CLSTN2: variants seen among roughly 807,000 people sequenced by gnomAD.
CLSTN2 encodes the protein calsyntenin 2, also known as calsyntenin-2.
A neutral mutation model predicts 101.2 loss-of-function variants in CLSTN2; 48 were observed. The ratio of observed to expected loss-of-function variants is 0.47; its 90% CI spans 0.38 to 0.60. The LOEUF (loss-of-function observed/expected upper bound fraction) is 0.60. Ranked by LOEUF, CLSTN2 falls within the 20% of genes least tolerant of loss-of-function variation. The pLI, the probability that CLSTN2 is intolerant of heterozygous loss-of-function variation, is 0.00. For missense variants in CLSTN2, 1,160 were observed against 1,238.2 expected (o/e 0.94, Z 0.95); for synonymous variants, 481 against 463.6 (o/e 1.04, Z -0.48).
At chr3:140,367,534 A>G (rs890046026) in intron 2 of CLSTN2, among the ~76,000 whole-genome samples, 1 of 135,122 alleles carries the variant, frequency 7.4e-6, no homozygotes, top group African/African-American at 2.7e-5. Flanking sequence ...AAAAAAAAAA[A>G]GGAAAGAGAA....
rs1352418798 is a variant in CLSTN2 at position 140,554,214 on chromosome 3, G to A, written c.1675-2299G>A. Among the ~76,000 whole-genome samples, 7 of 152,140 alleles carry A rather than the reference G, an allele frequency of 4.6e-5. No individual in the cohort carries two copies. The East Asian group carries it at 5.8e-4, about 13-fold the overall frequency. ...CCAATGAAGTACACATGTGATGGTC[G>A]AAGGTGACAAAGATTGAGCTATCAG... On this transcript the variant is annotated intron_variant, in intron 10 of 16. Transcript: ENST00000458420.
chr3:140,076,625 G>GTGTTTTTTT (rs1236822684), intron 1 of CLSTN2, among the ~76,000 whole-genome samples: 2 of 38,062 alleles, frequency 5.3e-5, no homozygotes, highest in Non-Finnish European at 8.9e-5. Context: ...CACCAGCAGT[G>GTGTTTTTTT]TTTTTTTTTT....
At chr3:140,107,918 A>G (rs968405640) in intron 1 of CLSTN2, among the ~76,000 whole-genome samples, 1 of 152,184 alleles carries the variant, frequency 6.6e-6, no homozygotes, top group Non-Finnish European at 1.5e-5. Flanking sequence ...ACTCAAAAAA[A>G]GTGAGAGACT....
At chr3:140,465,450 C>A (rs2108020310) in intron 7 of CLSTN2, among the ~76,000 whole-genome samples, 1 of 152,260 alleles carries the variant, frequency 6.6e-6, no homozygotes, top group South Asian at 2.1e-4. Context: ...CTTGCCAACC[C>A]CTGACAGAAG....
At chr3:140,070,701 T>C (rs12630364) in intron 1 of CLSTN2, among the ~76,000 whole-genome samples, 35,954 of 152,132 alleles carry the variant, frequency 0.24, 4,755 homozygotes, top group East Asian at 0.45. Context: ...TTTTTCTTGG[T>C]GGGAAGAGTT....
chr3:140,275,142 C>T (rs1381855739), intron 2 of CLSTN2, among the ~76,000 whole-genome samples: 1 of 152,212 alleles, frequency 6.6e-6, no homozygotes, highest in Non-Finnish European at 1.5e-5. Flanking sequence ...CGAGATTTAA[C>T]TTACATGCCA....
At chr3:140,449,786 A>G (rs1322412238) in intron 6 of CLSTN2, 2 of 152,202 alleles carry the variant, frequency 1.3e-5, no homozygotes, top group Non-Finnish European at 2.9e-5. Context: ...TCTGTTTGTT[A>G]AAGATAAGCA....
At chr3:140,148,869 G>A (rs986277760) in intron 1 of CLSTN2, among the ~76,000 whole-genome samples, 2 of 152,154 alleles carry the variant, frequency 1.3e-5, no homozygotes, top group East Asian at 3.9e-4. Context: ...AGATGCAATG[G>A]CACTGGGACT....
At chr3:140,039,338 C>A (rs1358317839) in intron 1 of CLSTN2, among the ~76,000 whole-genome samples, 1 of 151,998 alleles carries the variant, frequency 6.6e-6, no homozygotes, top group Non-Finnish European at 1.5e-5. Context: ...GTAAAAAAAA[C>A]AGCAATCACT....
At chr3:140,517,703 A>G (rs1415452400) in intron 8 of CLSTN2, among the ~76,000 whole-genome samples, 1 of 152,162 alleles carries the variant, frequency 6.6e-6, no homozygotes, top group Non-Finnish European at 1.5e-5. Flanking sequence ...GGACACCAGT[A>G]TCTGCTCTGG....
intron 1 of CLSTN2, among the ~76,000 whole-genome samples, chr3:139,947,112 A>G (rs1205271669): frequency 6.6e-6 from 1 of 152,268 alleles, no homozygotes; most frequent in Non-Finnish European, 1.5e-5. Context: ...CTCAGATAAC[A>G]GCCTACCTTT....
At chr3:140,298,609 A>C (rs2087025633) in intron 2 of CLSTN2, among the ~76,000 whole-genome samples, 1 of 152,156 alleles carries the variant, frequency 6.6e-6, no homozygotes, top group Admixed American at 6.5e-5. Context: ...GAAGCCCAGG[A>C]GGGGAGGTAA....
chr3:140,166,475 T>C (rs2010136681), intron 1 of CLSTN2, among the ~76,000 whole-genome samples: 1 of 152,016 alleles, frequency 6.6e-6, no homozygotes. Flanking sequence ...AGTATTGGAG[T>C]TTTAAAGATC....
chr3:140,047,311 G>C (rs1434822652), intron 1 of CLSTN2, among the ~76,000 whole-genome samples: 1 of 152,090 alleles, frequency 6.6e-6, no homozygotes, highest in Admixed American at 6.5e-5. Flanking sequence ...AATATAGTGA[G>C]TACATTTTAG....
chr3:140,161,019 C>G lies in CLSTN2; in HGVS notation c.110-14932C>G, dbSNP rs2010037829. On this transcript the variant is annotated intron_variant, in intron 1 of 16. Coordinates refer to ENST00000458420, the MANE Select transcript of CLSTN2 (RefSeq NM_022131.3). ...TTATTCATTCATCTTTTAACACACA[C>G]TTAACACACACGGAGCACCTACCAT... Among the ~76,000 whole-genome samples, 2 of 152,264 alleles carry G rather than the reference C, an allele frequency of 1.3e-5. 1 individual carries two copies. Among genetic ancestry groups the G allele is most frequent in the South Asian group, 4.1e-4 (2 of 4,822 alleles).
At position 140,566,071 on chromosome 3, in the gene CLSTN2, C is replaced by T. The variant is rs151107249; in HGVS notation, c.2686C>T (p.His896Tyr). 1.9e-4 allele frequency: 305 copies of T among 1,613,652 alleles called. No individual in the cohort carries two copies. Among genetic ancestry groups the T allele is most frequent in the Middle Eastern group, 6.6e-4 (4 of 6,076 alleles). Residue 896 changes from histidine to tyrosine, a missense_variant, in exon 17 of 17, where the codon CAT becomes TAT. His to Tyr is a moderately conservative substitution (Grantham distance 83). Coordinates refer to ENST00000458420, the MANE Select transcript of CLSTN2 (RefSeq NM_022131.3). ...NPMEKHEGPG[H>Y]GEDETEGEEE... is the part of the protein sequence containing the mutation. The stretch of plus-strand genomic sequence containing the variant: ...TATCCAGAAACATGAAGGACCAGGG[C>T]ATGGGGAAGATGAGACTGAGGGAGA...
intron 2 of CLSTN2, among the ~76,000 whole-genome samples, chr3:140,331,459 T>C (rs1404203154): frequency 5.3e-5 from 8 of 152,160 alleles, no homozygotes; most frequent in African/African-American, 1.9e-4. Context: ...CAAGTTGACA[T>C]CTGATATTAA....
rs146496945 is a variant in CLSTN2 at position 140,192,585 on chromosome 3, A to G, written c.232+16512A>G. 2.9e-3 allele frequency among the ~76,000 whole-genome samples: 446 copies of G among 151,620 alleles called. 1 individual carries two copies. Among genetic ancestry groups the G allele is most frequent in the Non-Finnish European group, 5.4e-3 (364 of 67,754 alleles). The stretch of plus-strand genomic sequence containing the variant: ...CTCCAGTAATTTTTTTTTTACTCTG[A>G]AGTTTGCTTTATCTGTTATTAATGT... On this transcript the variant is annotated intron_variant, in intron 2 of 16. Transcript: ENST00000458420.
intron 2 of CLSTN2, among the ~76,000 whole-genome samples, chr3:140,240,213 CACACACACAT>C (rs1197883649): frequency 8.1e-5 from 1 of 12,358 alleles, no homozygotes; most frequent in African/African-American, 1.4e-4. Context: ...CACACACACA[CACACACACAT>C]ATATATATAT....
Sources: allele counts gnomAD v4.1 joint callset (sites outside exome capture counted in the v4.1 genomes callset), GRCh38; gene constraint gnomAD v4.1.1; transcripts MANE v1.5; gene names NCBI Gene and HGNC (gene_info 2026-07-23, HGNC 2026-07-21).